Variants in ZFHX3 observed in about 807,000 individuals in gnomAD.
ZFHX3 encodes zinc finger homeobox protein 3.
A neutral mutation model predicts 279.1 loss-of-function variants in ZFHX3; 42 were observed. The ratio of observed to expected loss-of-function variants is 0.15; its 90% confidence interval spans 0.12 to 0.19. The LOEUF is 0.19. ZFHX3 is among the 10% of genes least tolerant of loss of function. The pLI, the probability that ZFHX3 is intolerant of heterozygous loss-of-function variation, is 1.00. For synonymous variants in ZFHX3, 2,293 were observed against 1,957.8 expected (o/e 1.17, Z -4.52); for missense variants, 4,981 against 4,754.0 (o/e 1.05, Z -1.40).
intron 3 of ZFHX3, among the ~76,000 whole-genome samples, chr16:73,398,781 G>A (rs1204194334): frequency 6.6e-6 from 1 of 152,136 alleles, no homozygotes; most frequent in Non-Finnish European, 1.5e-5. Flanking sequence ...CCATTGTCTG[G>A]GAACTCCTAT....
chr16:73,283,756 C>A (rs2014518043), intron 4 of ZFHX3, among the ~76,000 whole-genome samples: 2 of 152,118 alleles, frequency 1.3e-5, no homozygotes, highest in South Asian at 2.1e-4. Flanking sequence ...CCAGCCTGGG[C>A]AACATAGTGA....
chr16:73,123,895 C>A (rs1245092909), intron 7 of ZFHX3, among the ~76,000 whole-genome samples: 1 of 152,090 alleles, frequency 6.6e-6, no homozygotes, highest in Non-Finnish European at 1.5e-5. Context: ...AGGAATGGGA[C>A]TTCATGAGAT....
intron 1 of ZFHX3, among the ~76,000 whole-genome samples, chr16:73,863,990 T>A (rs1279472698): frequency 6.6e-6 from 1 of 152,172 alleles, no homozygotes; most frequent in East Asian, 1.9e-4. Flanking sequence ...AACTTACGAA[T>A]AGTAATTCCA....
Position 72,958,809 on chromosome 16 carries a change from A to T in ZFHX3, c.1337T>A (p.Val446Glu), listed in dbSNP as rs1961401545. 6.2e-7 allele frequency: 1 copy of T among 1,613,392 alleles called. No homozygotes were observed. The highest frequency in any genetic ancestry group is 1.3e-5 in the African/African-American group (1 of 74,714). ...CTCAGAGAAGCAATCCCCGTCGCCC[A>T]CTTCCTGCTTCTCTCCTTCTGCCGC... ...SGAAEGEKQE[V>E]GDGDCFSEKV... The change falls in exon 2 of 10, where the codon GTG becomes GAG. Residue 446 changes from valine (V) to glutamate (E), a missense_variant. Around this residue, in one of 7 missense-constraint regions of ZFHX3, gnomAD observed 1,068 missense variants for 935.2 expected, o/e 1.14. Coordinates refer to ENST00000268489, the MANE Select transcript of ZFHX3 (RefSeq NM_006885.4).
chr16:73,384,829 C>A (rs544149122), intron 3 of ZFHX3, among the ~76,000 whole-genome samples: 30 of 152,344 alleles, frequency 2.0e-4, no homozygotes, highest in Non-Finnish European at 3.4e-4. Flanking sequence ...TGAAATATTT[C>A]TCTCTTCCCA....
At chr16:73,393,890 A>G in intron 3 of ZFHX3, among the ~76,000 whole-genome samples, 1 of 148,368 alleles carries the variant, frequency 6.7e-6, no homozygotes, top group East Asian at 1.9e-4. Context: ...TATCTCATGT[A>G]TATCATATAT....
At chr16:73,766,191 C>T (rs2142287507) in intron 1 of ZFHX3, among the ~76,000 whole-genome samples, 1 of 152,270 alleles carries the variant, frequency 6.6e-6, no homozygotes, top group East Asian at 1.9e-4. Context: ...TGCATAAAAT[C>T]CAGTTTTATA....
At chr16:73,246,045 T>C (rs993668359) in intron 5 of ZFHX3, among the ~76,000 whole-genome samples, 1 of 152,154 alleles carries the variant, frequency 6.6e-6, no homozygotes, top group Non-Finnish European at 1.5e-5. Context: ...TCTTAGGATG[T>C]AGTAAGGAAG....
At chr16:73,690,651 C>T (rs2053139501) in intron 1 of ZFHX3, among the ~76,000 whole-genome samples, 1 of 152,230 alleles carries the variant, frequency 6.6e-6, no homozygotes, top group Non-Finnish European at 1.5e-5. Context: ...CTTACTTTAG[C>T]AAACGTGATG....
chr16:73,101,464 C>T (rs185667434), intron 7 of ZFHX3, among the ~76,000 whole-genome samples: 5 of 152,276 alleles, frequency 3.3e-5, no homozygotes, highest in East Asian at 3.9e-4. Context: ...CTGCAACTTC[C>T]GTCTCCCTGG....
At chr16:73,362,972 T>C (rs2016458320) in intron 3 of ZFHX3, among the ~76,000 whole-genome samples, 1 of 152,268 alleles carries the variant, frequency 6.6e-6, no homozygotes, top group Non-Finnish European at 1.5e-5. Flanking sequence ...ATTAAACAAA[T>C]GATCACAATA....
At chr16:73,122,861 C>A (rs890801433) in intron 7 of ZFHX3, among the ~76,000 whole-genome samples, 1 of 152,140 alleles carries the variant, frequency 6.6e-6, no homozygotes, top group African/African-American at 2.4e-5. Context: ...AGAGCCCAGG[C>A]TGGATGTGGT....
At chr16:73,576,203 G>A (rs1291245884) in intron 2 of ZFHX3, among the ~76,000 whole-genome samples, 1 of 152,038 alleles carries the variant, frequency 6.6e-6, no homozygotes, top group Non-Finnish European at 1.5e-5. Flanking sequence ...CCAGGACTCC[G>A]TAATCTGTAC....
In ZFHX3 at chr16:72,788,100, C is replaced by T. The variant is rs766190998; in HGVS notation, c.10176G>A (p.Gln3392=). ...QLQQQQQQKV[Q]QQQPKASQTP... ...TTTGGCTTGCTTTGGGCTGCTGCTG[C>T]TGCACTTTTTGCTGCTGCTGCTGCT... is the stretch of plus-strand genomic sequence containing the variant. Residue 3392 remains glutamine, a synonymous_variant, in exon 10 of 10, where the codon CAG becomes CAA. Coordinates refer to ENST00000268489, the MANE Select transcript of ZFHX3 (RefSeq NM_006885.4). 1 of 1,608,644 alleles carries T rather than the reference C, an allele frequency of 6.2e-7. No homozygotes were observed. The highest frequency in any genetic ancestry group is 1.1e-5 in the South Asian group (1 of 90,986).
At chr16:73,265,273 G>A (rs961360963) in intron 4 of ZFHX3, among the ~76,000 whole-genome samples, 1 of 152,138 alleles carries the variant, frequency 6.6e-6, no homozygotes, top group African/African-American at 2.4e-5. Context: ...AATCGGCTGG[G>A]GATCTGGAAA....
At chr16:73,032,224 C>T (rs1479627709) in intron 1 of ZFHX3, among the ~76,000 whole-genome samples, 1 of 152,096 alleles carries the variant, frequency 6.6e-6, no homozygotes, top group Non-Finnish European at 1.5e-5. Context: ...ATCGCTTGAG[C>T]CCAGGAGATG....
At chr16:72,985,488 G>T (rs191835191) in intron 1 of ZFHX3, among the ~76,000 whole-genome samples, 1 of 152,338 alleles carries the variant, frequency 6.6e-6, no homozygotes, top group East Asian at 1.9e-4. Context: ...TTTTTCCCCA[G>T]GGAGGGCGAG....
intron 3 of ZFHX3, among the ~76,000 whole-genome samples, chr16:72,903,451 G>C (rs1411421332): frequency 1.3e-5 from 2 of 152,316 alleles, no homozygotes; most frequent in East Asian, 1.9e-4. Flanking sequence ...GGTTAGACAA[G>C]GCAGGCTTCT....
chr16:73,483,425 G>A (rs116485647), intron 2 of ZFHX3: 225 of 455,024 alleles, frequency 4.9e-4, no homozygotes, highest in African/African-American at 3.8e-3. Flanking sequence ...AAGAAAAGAT[G>A]AGAAGGAGGT....
Sources: gnomAD v4.1 joint callset for allele counts (sites outside exome capture counted in the v4.1 genomes callset) on GRCh38, gnomAD v4.1.1 for gene constraint, gnomAD v4.1.1 regional missense constraint, MANE v1.5 for transcripts, NCBI Gene and HGNC (gene_info 2026-07-23, HGNC 2026-07-21) for gene names.